The following CENPW variants were observed in gnomAD, a reference collection of about 807,000 sequenced individuals.
CENPW encodes centromere protein W.
CENPW carries 3 observed loss-of-function variants against 11.1 expected under a neutral mutation model. That is an observed-to-expected ratio of 0.27 (90% CI 0.12 to 0.70). CENPW has a LOEUF of 0.70. CENPW is among the 30% of genes least tolerant of loss of function. CENPW has a pLI of 0.77. For synonymous variants in CENPW, 38 were observed against 42.0 expected (o/e 0.91, Z 0.37); for missense variants, 100 against 105.6 (o/e 0.95, Z 0.23).
At position 126,348,616 on chromosome 6, in the gene CENPW, G is replaced by A. The variant is rs1383656955; in HGVS notation, c.*124G>A. 4 of 597,940 alleles carry A rather than the reference G, an allele frequency of 6.7e-6. No individual in the cohort carries two copies. The Admixed American group carries it at 9.3e-5, about 14-fold the overall frequency. 37.0% of individuals were successfully genotyped at this position (597,940 alleles called of 1,614,324 possible). On this transcript the variant is annotated 3_prime_UTR_variant, in exon 3 of 3. Coordinates refer to ENST00000368328, the MANE Select transcript of CENPW (RefSeq NM_001012507.4). ...AATATTGGCTATAAGTGATGTGTGT[G>A]TTTGTATTTTTTTTCTGGCATGAAA...
At chr6:126,416,459 A>G in the CENPW span, among the ~76,000 whole-genome samples, 2 of 152,170 alleles carry the variant, frequency 1.3e-5, no homozygotes, top group Non-Finnish European at 2.9e-5. Context: ...GCCAAATGTG[A>G]ATTCTCAAGA....
At chr6:126,475,597 A>G in the CENPW span, among the ~76,000 whole-genome samples, 1 of 152,036 alleles carries the variant, frequency 6.6e-6, no homozygotes, top group Admixed American at 6.6e-5. Context: ...ATCTAGGAGT[A>G]TCAAGTTTAA....
At chr6:126,358,860 TGAAAA>T in the CENPW span, among the ~76,000 whole-genome samples, 2 of 152,174 alleles carry the variant, frequency 1.3e-5, no homozygotes, top group East Asian at 1.9e-4. Flanking sequence ...TAATCATAAA[TGAAAA>T]GAAAAATCCA....
chr6:126,382,704 A>G, the CENPW span, among the ~76,000 whole-genome samples: 1 of 152,186 alleles, frequency 6.6e-6, no homozygotes, highest in African/African-American at 2.4e-5. Context: ...GAGCTTGAAG[A>G]CTAATTTCTG....
chr6:126,353,699 C>T (rs1288839193), downstream of CENPW, among the ~76,000 whole-genome samples: 2 of 151,988 alleles, frequency 1.3e-5, no homozygotes, highest in Non-Finnish European at 2.9e-5. Flanking sequence ...CTCTCCTGTT[C>T]GAGATTCTAA....
At chr6:126,437,424 C>G in the CENPW span, among the ~76,000 whole-genome samples, 306 of 152,004 alleles carry the variant, frequency 2.0e-3, no homozygotes, top group African/African-American at 7.2e-3. Flanking sequence ...GGCCATGGCC[C>G]TTATAACTTA....
At chr6:126,399,069 C>T in the CENPW span, among the ~76,000 whole-genome samples, 1 of 151,842 alleles carries the variant, frequency 6.6e-6, no homozygotes, top group Non-Finnish European at 1.5e-5. Context: ...TGTTGGGCGT[C>T]TAGGTTGATT....
the CENPW span, among the ~76,000 whole-genome samples, chr6:126,441,224 G>C: frequency 6.6e-6 from 1 of 151,326 alleles, no homozygotes; most frequent in Non-Finnish European, 1.5e-5. Flanking sequence ...CTGGTAACTA[G>C]TCCCTGGTGT....
At chr6:126,467,139 C>T in the CENPW span, among the ~76,000 whole-genome samples, 2 of 152,268 alleles carry the variant, frequency 1.3e-5, no homozygotes, top group Admixed American at 6.5e-5. Context: ...TAGAAAAAAA[C>T]TATTTTAAAA....
the CENPW span, among the ~76,000 whole-genome samples, chr6:126,407,109 T>C: frequency 6.6e-6 from 1 of 152,074 alleles, no homozygotes; most frequent in Non-Finnish European, 1.5e-5. Flanking sequence ...ACAGTCCCCA[T>C]TGTGTCTTGT....
chr6:126,342,160 A>G lies in CENPW; in HGVS notation c.126+1761A>G, dbSNP rs141975721. Reference sequence around the variant, plus strand: ...TTAGCAAAAAGTTCAATGAATTAGCATTAAACTACACCTGAAAGTTATTGC... The same window carrying G: ...TTAGCAAAAAGTTCAATGAATTAGCGTTAAACTACACCTGAAAGTTATTGC... On this transcript the variant is annotated intron_variant, in intron 1 of 2. Coordinates refer to ENST00000368328, the MANE Select transcript of CENPW (RefSeq NM_001012507.4). Among the ~76,000 whole-genome samples, 101 of 152,322 alleles carry G rather than the reference A, an allele frequency of 6.6e-4. No homozygotes were observed. In the East Asian group the frequency reaches 0.015, roughly 23 times the overall value.
At chr6:126,460,846 C>T in the CENPW span, among the ~76,000 whole-genome samples, 1 of 151,784 alleles carries the variant, frequency 6.6e-6, no homozygotes, top group African/African-American at 2.4e-5. Flanking sequence ...GCAGGCCCAA[C>T]AAGGCAGACA....
the CENPW span, among the ~76,000 whole-genome samples, chr6:126,417,741 C>A: frequency 6.6e-6 from 1 of 152,060 alleles, no homozygotes; most frequent in African/African-American, 2.4e-5. Flanking sequence ...GTAAATTGCC[C>A]AGTCTTGGGT....
the CENPW span, among the ~76,000 whole-genome samples, chr6:126,433,800 G>A: frequency 1.3e-5 from 2 of 152,054 alleles, no homozygotes; most frequent in African/African-American, 4.8e-5. Context: ...TCTTGATTAT[G>A]GGGGTTATGG....
the CENPW span, among the ~76,000 whole-genome samples, chr6:126,385,928 A>G: frequency 6.6e-6 from 1 of 152,126 alleles, no homozygotes; most frequent in African/African-American, 2.4e-5. Flanking sequence ...CATATTGAAA[A>G]GAAGGAGGAG....
rs1010340931 is a variant in CENPW at position 126,347,812 on chromosome 6, G to A, written c.241-654G>A. On this transcript the variant is annotated intron_variant, in intron 2 of 2. Transcript: ENST00000368328. ...TTTATTTACTTAAAATAGTAGATAA[G>A]TTTTTTTTTAAAAAAAGAGATATTC... 3.3e-5 allele frequency among the ~76,000 whole-genome samples: 5 copies of A among 151,228 alleles called. No homozygotes were observed. In the East Asian group the frequency reaches 5.8e-4, roughly 18 times the overall value.
chr6:126,475,641 T>G, the CENPW span, among the ~76,000 whole-genome samples: 50 of 152,224 alleles, frequency 3.3e-4, no homozygotes, highest in Middle Eastern at 3.4e-3. Flanking sequence ...TCATCTCTGT[T>G]AAGTCACTTA....
the CENPW span, among the ~76,000 whole-genome samples, chr6:126,451,754 A>T: frequency 6.6e-6 from 1 of 151,062 alleles, no homozygotes; most frequent in East Asian, 2.0e-4. Flanking sequence ...GTTCAGTCAC[A>T]CAAGTGTGTG....
the CENPW span, among the ~76,000 whole-genome samples, chr6:126,395,943 C>G: frequency 2.6e-5 from 4 of 152,110 alleles, no homozygotes; most frequent in Admixed American, 2.6e-4. Flanking sequence ...GTAACATAAG[C>G]CCCCTGTGGC....
Sources: allele counts gnomAD v4.1 joint callset (sites outside exome capture counted in the v4.1 genomes callset), GRCh38; gene constraint gnomAD v4.1.1; transcripts MANE v1.5; gene names NCBI Gene and HGNC (gene_info 2026-07-23, HGNC 2026-07-21).